Variants in CLEC12A observed in about 807,000 individuals in gnomAD.
CLEC12A encodes the protein C-type lectin protein CLL-1.
In CLEC12A, 22 loss-of-function variants were observed where a neutral mutation model predicts 26.5. The ratio of observed to expected loss-of-function variants is 0.83; its 90% CI spans 0.59 to 1.19. The LOEUF is 1.19. CLEC12A is among the 50% of genes most tolerant of loss of function. The probability of loss-of-function intolerance (pLI) is 0.00; values close to 1 mark genes in which losing one functional copy is unlikely to be tolerated. For synonymous variants in CLEC12A, 119 were observed against 101.9 expected, an observed-to-expected ratio of 1.17 and a Z score of -1.01; for missense variants, 353 against 315.6, an observed-to-expected ratio of 1.12 and a Z score of -0.90.
chr12:10,001,003 A>AAG, the CLEC12A span, among the ~76,000 whole-genome samples: 1 of 152,372 alleles, frequency 6.6e-6, no homozygotes, highest in African/African-American at 2.4e-5. Context: ...CACTTTTCCA[A>AAG]TAAAGCTTTA....
chr12:9,980,468 A>G, intron 3 of CLEC12A, 114 bp from the exon 4 acceptor site: 1 of 1,139,488 alleles, frequency 8.8e-7, no homozygotes, highest in Non-Finnish European at 1.2e-6. Context: ...AGAGAAAGAA[A>G]AAGAAAGAAG....
At chr12:10,005,368 G>A in the CLEC12A span, among the ~76,000 whole-genome samples, 1 of 152,214 alleles carries the variant, frequency 6.6e-6, no homozygotes, top group Non-Finnish European at 1.5e-5. Context: ...CCCTCGTTGT[G>A]CTCATGAGGA....
intron 4 of CLEC12A, 69 bp downstream of exon 4, chr12:9,980,802 A>C: frequency 1.3e-6 from 2 of 1,505,564 alleles, no homozygotes; most frequent in Middle Eastern, 1.7e-4. Context: ...GACTTCAATC[A>C]ACCCACTCAT....
At chr12:9,953,405 GT>G (rs1863675555) in intron 1 of CLEC12A, 2 of 85,276 alleles carry the variant, frequency 2.3e-5, no homozygotes, top group Non-Finnish European at 2.6e-5. Flanking sequence ...CGGGAGGGAG[GT>G]GGGGGGGTCA....
chr12:9,976,619 A>C (rs1864347951), intron 1 of CLEC12A, among the ~76,000 whole-genome samples: 1 of 152,140 alleles, frequency 6.6e-6, no homozygotes, highest in African/African-American at 2.4e-5. Context: ...TGGACTTTTG[A>C]GTTAATGATG....
chr12:9,959,503 G>A (rs1193799163), intron 1 of CLEC12A, among the ~76,000 whole-genome samples: 1 of 149,800 alleles, frequency 6.7e-6, no homozygotes, highest in Non-Finnish European at 1.5e-5. Context: ...TTTGGTTTTT[G>A]GCTCTTTCGT....
upstream of CLEC12A, among the ~76,000 whole-genome samples, chr12:9,969,590 C>T (rs1356263089): frequency 6.6e-6 from 1 of 152,174 alleles, no homozygotes; most frequent in Non-Finnish European, 1.5e-5. Context: ...TTTCCCTTTA[C>T]AGTTCGTCAT....
chr12:9,994,867 A>G (rs567974779), intron 4 of CLEC12A, among the ~76,000 whole-genome samples: 5 of 152,122 alleles, frequency 3.3e-5, no homozygotes, highest in African/African-American at 1.2e-4. Flanking sequence ...ATACACATAC[A>G]TGCACACAGT....
At chr12:9,992,907 G>A in intron 4 of CLEC12A, 2 of 415,618 alleles carry the variant, frequency 4.8e-6, no homozygotes, top group Non-Finnish European at 8.7e-6. Flanking sequence ...TGAAGGACAA[G>A]AAGAAAGAAA....
intron 5 of CLEC12A, among the ~76,000 whole-genome samples, 163 bp downstream of exon 5, chr12:9,982,292 T>C (rs1565562194): frequency 6.6e-6 from 1 of 152,146 alleles, no homozygotes; most frequent in Non-Finnish European, 1.5e-5. Context: ...TACATAAAGT[T>C]ACCATAAATG....
chr12:10,002,181 T>TA, the CLEC12A span, among the ~76,000 whole-genome samples: 2 of 152,044 alleles, frequency 1.3e-5, no homozygotes, highest in South Asian at 2.1e-4. Context: ...GCGCCTGGCC[T>TA]AAAAAAATTC....
intron 4 of CLEC12A, chr12:9,991,957 G>A (rs1864903297): frequency 6.6e-6 from 1 of 152,052 alleles, no homozygotes; most frequent in South Asian, 2.1e-4. Flanking sequence ...AGGTCTCTGT[G>A]TCTCCTCAGT....
the CLEC12A span, among the ~76,000 whole-genome samples, chr12:10,005,165 G>A: frequency 6.6e-6 from 1 of 152,046 alleles, no homozygotes; most frequent in South Asian, 2.1e-4. Flanking sequence ...GATGTCCAAG[G>A]CACAATTCTA....
intron 1 of CLEC12A, among the ~76,000 whole-genome samples, chr12:9,957,711 T>C (rs1419259357): frequency 2.0e-5 from 3 of 152,168 alleles, no homozygotes; most frequent in African/African-American, 7.2e-5. Flanking sequence ...TTGTTTCAGA[T>C]GAGCAGAGGG....
chr12:9,982,043 A>G lies in CLEC12A; in HGVS notation c.555A>G (p.Arg185=). 6.3e-7 allele frequency: 1 copy of G among 1,585,596 alleles called. No homozygotes were observed. The highest frequency in any genetic ancestry group is 8.7e-7 in the Non-Finnish European group (1 of 1,155,208). ...NALEFIKSQS[R]SYDYWLGLSP... ...AGGAATTTATAAAATCCCAGAGTAG[A>G]TCATATGACTATTGGCTGGGATTAT... is the stretch of plus-strand genomic sequence containing the variant. Residue 185 remains arginine (R), a synonymous_variant, in exon 5 of 6, where the codon AGA becomes AGG. Coordinates refer to ENST00000304361, the MANE Select transcript of CLEC12A (RefSeq NM_138337.6).
At chr12:9,983,491 T>C in intron 5 of CLEC12A, 3 of 695,056 alleles carry the variant, frequency 4.3e-6, no homozygotes, top group Non-Finnish European at 7.8e-6. Context: ...AGTGGCAAAT[T>C]CCATTTGTAT....
downstream of CLEC12A, among the ~76,000 whole-genome samples, chr12:9,987,440 A>G (rs1445624649): frequency 2.6e-5 from 4 of 152,212 alleles, no homozygotes; most frequent in African/African-American, 7.2e-5. Context: ...ATCAGCCCCA[A>G]TAAATGTGCC....
At chr12:9,960,593 C>T (rs914731994) in intron 1 of CLEC12A, among the ~76,000 whole-genome samples, 1 of 152,248 alleles carries the variant, frequency 6.6e-6, no homozygotes, top group Admixed American at 6.5e-5. Flanking sequence ...ATGAAGCAGC[C>T]AGAAGGATCA....
chr12:9,973,685 C>A (rs1864222414), intron 1 of CLEC12A, among the ~76,000 whole-genome samples: 1 of 152,080 alleles, frequency 6.6e-6, no homozygotes, highest in Admixed American at 6.6e-5. Context: ...CATGTCCTTA[C>A]TGATACTCTG....
Sources: allele counts gnomAD v4.1 joint callset (sites outside exome capture counted in the v4.1 genomes callset), GRCh38; gene constraint gnomAD v4.1.1; transcripts MANE v1.5; gene names NCBI Gene and HGNC (gene_info 2026-07-23, HGNC 2026-07-21).